SMIM20: variants seen among roughly 807,000 people sequenced by gnomAD.
The protein encoded by SMIM20 is mitochondrial translation regulation assembly intermediate of cytochrome c oxidase protein of 7 kDa.
SMIM20 carries 3 observed loss-of-function variants against 8.7 expected under a neutral mutation model. The ratio of observed to expected loss-of-function variants is 0.34; its 90% CI spans 0.16 to 0.89. The LOEUF (loss-of-function observed/expected upper bound fraction) is 0.89, where lower values mean the gene tolerates loss of function less well. Among genes scored for constraint, SMIM20 ranks in the 40% least tolerant of loss-of-function variants. SMIM20 has a pLI of 0.49. For missense variants in SMIM20, 85 were observed against 84.8 expected (o/e 1.00, Z -0.01); for synonymous variants, 44 against 33.6 (o/e 1.31, Z -1.07).
intron 2 of SMIM20, 77 bp downstream of exon 2, chr4:25,928,446 G>C: frequency 1.4e-6 from 2 of 1,415,834 alleles, no homozygotes; most frequent in Non-Finnish European, 1.9e-6. Flanking sequence ...TGTTTGCCTT[G>C]GCGTGGAGAG....
At position 25,914,348 on chromosome 4, in the gene SMIM20, G is replaced by T; in HGVS notation, c.35G>T (p.Gly12Val). Residue 12 changes from glycine (G) to valine (V), a missense_variant, in exon 1 of 3, where the codon GGC becomes GTC. Transcript: ENST00000506197. The part of the protein sequence containing the change: ...SRNLRTALIF[G>V]GFISLIGAAF... ...AACCTGCGCACCGCGCTCATTTTCGGCGGCTTCATCTCCCTGATCGGCGCC... is the reference window on the plus strand; with the variant it reads ...AACCTGCGCACCGCGCTCATTTTCGTCGGCTTCATCTCCCTGATCGGCGCC... 1 of 1,550,684 alleles carries T rather than the reference G, an allele frequency of 6.4e-7. No homozygotes were observed. Among genetic ancestry groups the T allele is most frequent in the South Asian group, 1.2e-5 (1 of 83,936 alleles).
At chr4:25,914,592 A>G (rs1038203250) in intron 1 of SMIM20, among the ~76,000 whole-genome samples, 170 bp downstream of exon 1, 1 of 152,168 alleles carries the variant, frequency 6.6e-6, no homozygotes, top group Admixed American at 6.5e-5. Flanking sequence ...CTCAACCTCT[A>G]GGACTCTCAG....
chr4:25,923,186 C>T (rs574246044), intron 1 of SMIM20, among the ~76,000 whole-genome samples: 66 of 152,134 alleles, frequency 4.3e-4, no homozygotes, highest in African/African-American at 1.4e-3. Context: ...GAGTCCCAGA[C>T]ACTTTTTAGC....
At chr4:25,926,940 T>C (rs1249777474) in intron 1 of SMIM20, among the ~76,000 whole-genome samples, 1 of 152,240 alleles carries the variant, frequency 6.6e-6, no homozygotes, top group Non-Finnish European at 1.5e-5. Flanking sequence ...ATCCATACTT[T>C]GAGACTTACA....
chr4:25,928,302 A>G lies in SMIM20; in HGVS notation c.110-11A>G, dbSNP rs755022863. On this transcript the variant is annotated splice_polypyrimidine_tract_variant and intron_variant, in intron 1 of 2. Transcript: ENST00000506197. ...CCTTCTAAAGAATGATTTTTCTCTTATGTTTCTCAGAGAAGGAACAAGCTA... is the reference window on the plus strand; with the variant it reads ...CCTTCTAAAGAATGATTTTTCTCTTGTGTTTCTCAGAGAAGGAACAAGCTA... 6.5e-6 allele frequency: 10 copies of G among 1,548,366 alleles called. No homozygotes were observed. The highest frequency in any genetic ancestry group is 1.2e-5 in the South Asian group (1 of 83,178).
Position 25,929,311 on chromosome 4 carries a change from A to G in SMIM20, c.*120A>G. 1 of 957,850 alleles carries G rather than the reference A, an allele frequency of 1.0e-6. No homozygotes were observed. The highest frequency in any genetic ancestry group is 1.6e-6 in the Non-Finnish European group (1 of 635,068). The allele number at this position is 957,850 out of a possible 1,614,324, so 59.3% of individuals were successfully genotyped here. On this transcript the variant is annotated 3_prime_UTR_variant, in exon 3 of 3. Coordinates refer to ENST00000506197, the MANE Select transcript of SMIM20 (RefSeq NM_001145432.3). ...CTGGAGAAGAAAACTCTGTAATACC[A>G]TAAATAAGAGTGCTTGTAATAAAAG...
chr4:25,915,849 T>A (rs1719077406), intron 1 of SMIM20, among the ~76,000 whole-genome samples: 1 of 16,712 alleles, frequency 6.0e-5, no homozygotes, highest in Admixed American at 8.2e-4. Flanking sequence ...TGTCACAACT[T>A]GGGATGGGGC....
intron 1 of SMIM20, among the ~76,000 whole-genome samples, chr4:25,920,122 A>G (rs1719171240): frequency 6.6e-6 from 1 of 152,228 alleles, no homozygotes; most frequent in Non-Finnish European, 1.5e-5. Flanking sequence ...TTGTCACGCC[A>G]TCCAAATTTA....
At chr4:25,924,441 C>A (rs1206646711) in intron 1 of SMIM20, among the ~76,000 whole-genome samples, 1 of 152,104 alleles carries the variant, frequency 6.6e-6, no homozygotes, top group African/African-American at 2.4e-5. Context: ...CACTGTACTC[C>A]AGCCTGGGTG....
intron 1 of SMIM20, among the ~76,000 whole-genome samples, chr4:25,919,934 C>T (rs1398128238): frequency 6.6e-6 from 1 of 152,142 alleles, no homozygotes. Flanking sequence ...TTATCTTCAC[C>T]CGCGTTCTTT....
intron 1 of SMIM20, among the ~76,000 whole-genome samples, chr4:25,918,827 A>C (rs1719143836): frequency 6.7e-6 from 1 of 148,428 alleles, no homozygotes; most frequent in Admixed American, 6.7e-5. Context: ...ATTTCTTTTA[A>C]TATTTTCCTA....
intron 1 of SMIM20, among the ~76,000 whole-genome samples, chr4:25,919,591 G>A (rs1043173570): frequency 3.3e-5 from 5 of 151,752 alleles, no homozygotes; most frequent in South Asian, 2.1e-4. Flanking sequence ...CAGGCAATCC[G>A]GCTGTCTCAG....
rs552528020 is a variant in SMIM20, at chr4:25,916,503, C to T, written c.109+2081C>T. On this transcript the variant is annotated intron_variant, in intron 1 of 2. Coordinates refer to ENST00000506197, the MANE Select transcript of SMIM20 (RefSeq NM_001145432.3). The stretch of plus-strand genomic sequence containing the variant: ...CTGGGATTATAGGTGTGAGCCACCA[C>T]GCCTGGCCTCTGGTTCCATTTTGAT... 9.9e-5 allele frequency among the ~76,000 whole-genome samples: 15 copies of T among 151,980 alleles called. No homozygotes were observed. In the South Asian group the frequency reaches 2.1e-3, roughly 21 times the overall value.
intron 1 of SMIM20, among the ~76,000 whole-genome samples, 196 bp downstream of exon 1, chr4:25,914,618 ATGTT>A (rs1164749990): frequency 2.6e-5 from 4 of 152,126 alleles, no homozygotes; most frequent in Non-Finnish European, 5.9e-5. Context: ...TCATCTGTGA[ATGTT>A]TGTGGCTACG....
chr4:25,914,332 A>G lies in SMIM20; in HGVS notation c.19A>G (p.Thr7Ala). MSRNLRTALIFGGFISL... is the reference protein window; with the variant it reads MSRNLRAALIFGGFISL... ...TGACGCCATGTCCCGGAACCTGCGC[A>G]CCGCGCTCATTTTCGGCGGCTTCAT... Residue 7 changes from threonine (T) to alanine (A), a missense_variant, in exon 1 of 3, where the codon ACC (threonine) becomes GCC (alanine). By Grantham distance (58) the Thr-to-Ala change is moderately conservative. Coordinates refer to ENST00000506197, the MANE Select transcript of SMIM20 (RefSeq NM_001145432.3). 6.4e-7 allele frequency: 1 copy of G among 1,550,534 alleles called. No homozygotes were observed. Among genetic ancestry groups the G allele is most frequent in the Middle Eastern group, 1.7e-4 (1 of 5,980 alleles).
chr4:25,914,464 C>A, intron 1 of SMIM20, 42 bp downstream of exon 1: 1 of 1,419,702 alleles, frequency 7.0e-7, no homozygotes, highest in Non-Finnish European at 9.3e-7. Context: ...GACTCCCCAA[C>A]ACACACACCT....
At chr4:25,919,066 G>T (rs561138377) in intron 1 of SMIM20, among the ~76,000 whole-genome samples, 2 of 148,886 alleles carry the variant, frequency 1.3e-5, no homozygotes, top group Admixed American at 1.3e-4. Flanking sequence ...CACCGCGCCC[G>T]GCTAATTTTT....
intron 1 of SMIM20, among the ~76,000 whole-genome samples, chr4:25,927,011 C>T (rs1479386361): frequency 2.0e-5 from 3 of 152,154 alleles, no homozygotes; most frequent in East Asian, 3.9e-4. Context: ...AATGAGGACA[C>T]CTTTTGTGTT....
At chr4:25,916,887 C>G (rs1446549175) in intron 1 of SMIM20, among the ~76,000 whole-genome samples, 1 of 152,212 alleles carries the variant, frequency 6.6e-6, no homozygotes, top group Non-Finnish European at 1.5e-5. Flanking sequence ...CTTTCGCCTT[C>G]AGTGCCAGCA....
Sources: gnomAD v4.1 joint callset for allele counts (sites outside exome capture counted in the v4.1 genomes callset) on GRCh38, gnomAD v4.1.1 for gene constraint, MANE v1.5 for transcripts, NCBI Gene and HGNC (gene_info 2026-07-23, HGNC 2026-07-21) for gene names.